FBXL7: variants seen among roughly 807,000 people sequenced by gnomAD.
The protein encoded by FBXL7 is F-box and leucine rich repeat protein 7, also known as F-box/LRR-repeat protein 7.
Under a neutral mutation model 38.3 loss-of-function variants are expected in FBXL7, and 12 were observed. That is an observed-to-expected ratio of 0.31 (90% CI 0.20 to 0.51). The LOEUF (loss-of-function observed/expected upper bound fraction) is 0.51. Among genes scored for constraint, FBXL7 ranks in the 20% least tolerant of loss-of-function variants. FBXL7 has a pLI of 0.98. For missense variants in FBXL7, 567 were observed against 676.4 expected (o/e 0.84, Z 1.79); for synonymous variants, 297 against 300.9 (o/e 0.99, Z 0.13).
intron 2 of FBXL7, among the ~76,000 whole-genome samples, chr5:15,700,826 T>C (rs1477721352): frequency 6.6e-6 from 1 of 152,214 alleles, no homozygotes; most frequent in Non-Finnish European, 1.5e-5. Context: ...TACAGTATCA[T>C]TGTTACTGAT....
intron 2 of FBXL7, among the ~76,000 whole-genome samples, chr5:15,811,686 C>G (rs1737864869): frequency 6.6e-6 from 1 of 151,854 alleles, no homozygotes; most frequent in South Asian, 2.1e-4. Flanking sequence ...AGGACATGAG[C>G]AGACACTTCG....
At chr5:15,566,432 T>C (rs1355817267) in intron 1 of FBXL7, among the ~76,000 whole-genome samples, 6 of 152,162 alleles carry the variant, frequency 3.9e-5, no homozygotes, top group Admixed American at 3.9e-4. Context: ...AGTTGATTAA[T>C]TTTCCCCAAG....
intron 2 of FBXL7, among the ~76,000 whole-genome samples, chr5:15,693,039 G>C (rs1743227838): frequency 6.6e-6 from 1 of 152,232 alleles, no homozygotes; most frequent in Non-Finnish European, 1.5e-5. Context: ...GACAGTGATG[G>C]GATTTTACTC....
At chr5:15,777,582 C>A (rs191636024) in intron 2 of FBXL7, among the ~76,000 whole-genome samples, 1 of 151,592 alleles carries the variant, frequency 6.6e-6, no homozygotes, top group East Asian at 1.9e-4. Context: ...ATCCACATGG[C>A]GCAGTTTTGA....
rs574226701 is a variant in FBXL7 at position 15,787,826 on chromosome 5, T to A, written c.128-140064T>A. ...TTTAACATGTGGTCGTTTCTATTTA[T>A]GTGACTGTCTTCATTAAATGCATCC... On this transcript the variant is annotated intron_variant, in intron 2 of 3. Coordinates refer to ENST00000504595, the MANE Select transcript of FBXL7 (RefSeq NM_012304.5). Among the ~76,000 whole-genome samples, 17 of 152,342 alleles carry A rather than the reference T, an allele frequency of 1.1e-4. No individual in the cohort carries two copies. The East Asian group carries it at 3.1e-3, about 28-fold the overall frequency.
rs148477857 is a variant in FBXL7 at position 15,647,948 on chromosome 5, G to T, written c.127+31876G>T. On this transcript the variant is annotated intron_variant, in intron 2 of 3. Transcript: ENST00000504595. ...TCTTTTCTCACACTGCCTCTGTGAA[G>T]CCTGGGGGTGAGAGTAGGTGCCAGT... 5.9e-4 allele frequency among the ~76,000 whole-genome samples: 90 copies of T among 152,360 alleles called. 3 individuals are homozygous for T. The East Asian group carries it at 0.016, about 27-fold the overall frequency.
chr5:15,813,591 T>TAAAGAGC (rs1461494406), intron 2 of FBXL7, among the ~76,000 whole-genome samples: 26 of 151,980 alleles, frequency 1.7e-4, no homozygotes, highest in African/African-American at 5.6e-4. Flanking sequence ...CTAATTAAAC[T>TAAAGAGC]AAAGAGCTTC....
intron 2 of FBXL7, among the ~76,000 whole-genome samples, chr5:15,628,485 G>A (rs1441257655): frequency 6.6e-6 from 1 of 152,104 alleles, no homozygotes; most frequent in East Asian, 1.9e-4. Flanking sequence ...CAACATGCTT[G>A]GTGGGGATAG....
chr5:15,692,247 G>A (rs567298947), intron 2 of FBXL7, among the ~76,000 whole-genome samples: 1 of 152,274 alleles, frequency 6.6e-6, no homozygotes, highest in African/African-American at 2.4e-5. Context: ...TCATAGAGAT[G>A]GGAATTAACT....
chr5:15,867,558 C>T (rs192585650), intron 2 of FBXL7, among the ~76,000 whole-genome samples: 1 of 152,250 alleles, frequency 6.6e-6, no homozygotes, highest in African/African-American at 2.4e-5. Flanking sequence ...CAATAATGGC[C>T]CCCAAAGTGT....
chr5:15,802,492 GC>G (rs965129661), intron 2 of FBXL7, among the ~76,000 whole-genome samples: 3 of 151,728 alleles, frequency 2.0e-5, no homozygotes, highest in Non-Finnish European at 4.4e-5. Flanking sequence ...TGCTAGCTTA[GC>G]CCCGCCTCAG....
At chr5:15,677,297 C>A (rs1162756967) in intron 2 of FBXL7, among the ~76,000 whole-genome samples, 1 of 152,064 alleles carries the variant, frequency 6.6e-6, no homozygotes, top group Non-Finnish European at 1.5e-5. Context: ...TGGTGAAACC[C>A]TGTCTCTACT....
chr5:15,599,247 T>C (rs890477922), intron 1 of FBXL7, among the ~76,000 whole-genome samples: 1 of 152,074 alleles, frequency 6.6e-6, no homozygotes, highest in African/African-American at 2.4e-5. Flanking sequence ...AAGAAGATCA[T>C]ATTAGATTCT....
chr5:15,846,698 G>C (rs1322425317), intron 2 of FBXL7, among the ~76,000 whole-genome samples: 3 of 152,238 alleles, frequency 2.0e-5, no homozygotes, highest in East Asian at 3.9e-4. Context: ...GCATTAATGA[G>C]ACACAGCTCA....
At chr5:15,723,646 A>C (rs1290318759) in intron 2 of FBXL7, among the ~76,000 whole-genome samples, 1 of 152,258 alleles carries the variant, frequency 6.6e-6, no homozygotes, top group Non-Finnish European at 1.5e-5. Flanking sequence ...AGTAAAATGT[A>C]GTAACATAAT....
In FBXL7 at chr5:15,911,424, T is replaced by A. The variant is rs1410679505; in HGVS notation, c.128-16466T>A. ...TATTGGTTATTCTAGTTATACATTC[T>A]TCTAAATTTTTTTCAACGTTTTCAA... On this transcript the variant is annotated intron_variant, in intron 2 of 3. Coordinates refer to ENST00000504595, the MANE Select transcript of FBXL7 (RefSeq NM_012304.5). Among the ~76,000 whole-genome samples, 7 of 139,020 alleles carry A rather than the reference T, an allele frequency of 5.0e-5. 1 individual carries two copies. The highest frequency in any genetic ancestry group is 2.4e-4 in the African/African-American group (7 of 29,752). The allele number at this position is 139,020 out of a possible 152,430, so 91.2% of individuals were successfully genotyped here. A position where few individuals can be genotyped will look rare whatever the true frequency, so the allele number is the denominator to read the frequency against.
chr5:15,758,090 T>C (rs545082354), intron 2 of FBXL7, among the ~76,000 whole-genome samples: 144 of 152,256 alleles, frequency 9.5e-4, no homozygotes, highest in Admixed American at 1.4e-3. Context: ...GAAAACATGA[T>C]GACCACCAAG....
intron 2 of FBXL7, among the ~76,000 whole-genome samples, chr5:15,639,604 A>G (rs967900130): frequency 6.6e-6 from 1 of 152,006 alleles, no homozygotes; most frequent in Non-Finnish European, 1.5e-5. Flanking sequence ...GTGTGTCTTT[A>G]TTAGCAGTGT....
At chr5:15,797,347 T>C (rs1485189333) in intron 2 of FBXL7, among the ~76,000 whole-genome samples, 2 of 152,240 alleles carry the variant, frequency 1.3e-5, no homozygotes, top group Non-Finnish European at 2.9e-5. Flanking sequence ...GTGGTCTCTC[T>C]ATATAAACAT....
Sources: allele counts gnomAD v4.1 joint callset (sites outside exome capture counted in the v4.1 genomes callset), GRCh38; gene constraint gnomAD v4.1.1; transcripts MANE v1.5; gene names NCBI Gene and HGNC (gene_info 2026-07-23, HGNC 2026-07-21).